The following ZNF479 variants were observed in gnomAD, a reference collection of about 807,000 sequenced individuals.
The protein encoded by ZNF479 is KRAB zinc finger protein KR19.
Under a neutral mutation model 14.7 loss-of-function variants are expected in ZNF479, and 15 were observed. The ratio of observed to expected loss-of-function variants is 1.02; its 90% CI spans 0.68 to 1.57. The LOEUF is 1.57. ZNF479 is among the 40% of genes most tolerant of loss of function. ZNF479 has a pLI of 0.00. For synonymous variants in ZNF479, 145 were observed against 211.5 expected (o/e 0.69, Z 2.73); for missense variants, 506 against 615.1 (o/e 0.82, Z 1.88).
At chr7:57,121,651 T>C (rs2115859076) in intron 3 of ZNF479, among the ~76,000 whole-genome samples, 1 of 152,304 alleles carries the variant, frequency 6.6e-6, no homozygotes, top group South Asian at 2.1e-4. Context: ...GAGAACATGT[T>C]TGTGAGAATC....
At chr7:57,124,946 C>T (rs2115868786) in intron 3 of ZNF479, among the ~76,000 whole-genome samples, 1 of 152,144 alleles carries the variant, frequency 6.6e-6, no homozygotes, top group African/African-American at 2.4e-5. Flanking sequence ...GGTGGCACAT[C>T]CCTGATCCCA....
intron 1 of ZNF479, chr7:57,127,466 T>G (rs1243473642): frequency 1.2e-6 from 1 of 818,208 alleles, no homozygotes; most frequent in Non-Finnish European, 1.5e-6. Flanking sequence ...GAGATTTTGT[T>G]TCAGGAGATT....
chr7:57,120,041 A>T lies in ZNF479; in HGVS notation c.1374T>A (p.Ile458=), dbSNP rs144341549. The T allele has an allele frequency of 4.8e-5, 77 of 1,613,968 alleles. No homozygotes were observed. The African/African-American group carries it at 8.7e-4, about 18-fold the overall frequency. ...ATGTGTAGGGTCTCTCTCCAGTATGAATTCTCTTGTGGTCAGTGAGGGTTG... is the reference window on the plus strand; with the variant it reads ...ATGTGTAGGGTCTCTCTCCAGTATGTATTCTCTTGTGGTCAGTGAGGGTTG... ...LSSTLTDHKR[I]HTGERPYTCE... The change falls in exon 4 of 4, where the codon ATT becomes ATA. Residue 458 remains isoleucine, a synonymous_variant. Coordinates refer to ENST00000319636, the MANE Select transcript of ZNF479 (RefSeq NM_001370129.2).
chr7:57,120,700 T>C lies in ZNF479; in HGVS notation c.715A>G (p.Lys239Glu), dbSNP rs1785892111. Residue 239 changes from lysine to glutamate, a missense_variant, in exon 4 of 4, where the codon AAA becomes GAA. By Grantham distance (56) the Lys-to-Glu change is moderately conservative (BLOSUM62 1). This residue lies in a region of ZNF479 where 420 missense variants were observed against 474.2 expected (regional missense o/e 0.89). Transcript: ENST00000319636. ...CCACATTCCTCACATCTATATGGTTTCTCTCCAGTATGAATTATTTTATGT... is the reference window on the plus strand; with the variant it reads ...CCACATTCCTCACATCTATATGGTTCCTCTCCAGTATGAATTATTTTATGT... The part of the protein sequence containing the change: ...TTHKIIHTGE[K>E]PYRCEECGKA... 6.2e-7 allele frequency: 1 copy of C among 1,613,084 alleles called. No individual in the cohort carries two copies. Among genetic ancestry groups the C allele is most frequent in the Non-Finnish European group, 8.5e-7 (1 of 1,179,622 alleles).
upstream of ZNF479, among the ~76,000 whole-genome samples, chr7:57,137,217 A>T (rs929473642): frequency 3.3e-5 from 5 of 152,162 alleles, no homozygotes; most frequent in African/African-American, 1.2e-4. Context: ...GCTCACTACA[A>T]CTCTGCCTCG....
At position 57,120,561 on chromosome 7, in the gene ZNF479, G is replaced by A. The variant is rs1785880359; in HGVS notation, c.854C>T (p.Thr285Ile). The A allele has an allele frequency of 2.5e-6, 4 of 1,613,296 alleles. No homozygotes were observed. Among genetic ancestry groups the A allele is most frequent in the Non-Finnish European group, 3.4e-6 (4 of 1,179,826 alleles). Reference sequence around the variant, plus strand: ...TCCAGTATGAATTCTCTTGTGGTTAGTAAGTGCTGAGGAGCGCCTAAAGGC... The same window carrying A: ...TCCAGTATGAATTCTCTTGTGGTTAATAAGTGCTGAGGAGCGCCTAAAGGC... ...GQAFRRSSALTNHKRIHTGER... is the reference protein window; with the variant it reads ...GQAFRRSSALINHKRIHTGER... The change falls in exon 4 of 4, where the codon ACT becomes ATT. Residue 285 changes from threonine (T) to isoleucine (I), a missense_variant. This residue lies in a region of ZNF479 where 420 missense variants were observed against 474.2 expected (regional missense o/e 0.89). Coordinates refer to ENST00000319636, the MANE Select transcript of ZNF479 (RefSeq NM_001370129.2).
chr7:57,134,570 C>T (rs570745734), upstream of ZNF479, among the ~76,000 whole-genome samples: 7 of 152,054 alleles, frequency 4.6e-5, no homozygotes, highest in South Asian at 1.5e-3. Context: ...CATTGCTGCT[C>T]TGCCTAGAGA....
chr7:57,132,595 A>G (rs528565440), upstream of ZNF479, among the ~76,000 whole-genome samples: 1 of 152,296 alleles, frequency 6.6e-6, no homozygotes, highest in South Asian at 2.1e-4. Flanking sequence ...TGAAGCAAAA[A>G]TAACAGCCTA....
rs782125852 is a variant in ZNF479 at position 57,120,549 on chromosome 7, C to A, written c.866G>T (p.Arg289Ile). Residue 289 changes from arginine to isoleucine, a missense_variant, in exon 4 of 4, where the codon AGA becomes ATA. Coordinates refer to ENST00000319636, the MANE Select transcript of ZNF479 (RefSeq NM_001370129.2). ...GTAGGGTCTCTCTCCAGTATGAATT[C>A]TCTTGTGGTTAGTAAGTGCTGAGGA... ...RRSSALTNHK[R>I]IHTGERPYKC... The A allele has an allele frequency of 2.2e-5, 35 of 1,613,306 alleles. No individual in the cohort carries two copies. Among genetic ancestry groups the A allele is most frequent in the Non-Finnish European group, 2.9e-5 (34 of 1,179,838 alleles).
upstream of ZNF479, among the ~76,000 whole-genome samples, chr7:57,132,714 A>G (rs774117831): frequency 1.3e-5 from 2 of 152,232 alleles, no homozygotes; most frequent in Non-Finnish European, 2.9e-5. Flanking sequence ...TATAAATGAT[A>G]TATAATATTT....
intron 3 of ZNF479, among the ~76,000 whole-genome samples, chr7:57,122,417 T>A (rs1554400785): frequency 6.6e-6 from 1 of 151,262 alleles, no homozygotes; most frequent in African/African-American, 2.4e-5. Context: ...AATAACATGA[T>A]GAAAAATATA....
chr7:57,127,034 T>C (rs1388964590), intron 1 of ZNF479, among the ~76,000 whole-genome samples: 1 of 149,176 alleles, frequency 6.7e-6, no homozygotes, highest in Non-Finnish European at 1.5e-5. Flanking sequence ...TTCTTTTTTT[T>C]TTTTTTGAGA....
chr7:57,125,437 A>C (rs12716517), intron 3 of ZNF479, among the ~76,000 whole-genome samples: 1 of 147,388 alleles, frequency 6.8e-6, no homozygotes, highest in Non-Finnish European at 1.5e-5. Context: ...TAAAATGAAG[A>C]CATAAAAGGT....
At chr7:57,135,480 T>C (rs1786605159), upstream of ZNF479, among the ~76,000 whole-genome samples, 1 of 152,188 alleles carries the variant, frequency 6.6e-6, no homozygotes, top group Admixed American at 6.5e-5. Flanking sequence ...CAGTGAGATC[T>C]TGGCTCACTG....
At chr7:57,130,428 G>A (rs1012494626) in intron 1 of ZNF479, among the ~76,000 whole-genome samples, 2 of 148,970 alleles carry the variant, frequency 1.3e-5, no homozygotes, top group Non-Finnish European at 2.9e-5. Flanking sequence ...AGCTGAGACC[G>A]CACCACTGCA....
rs1352455307 is a variant in ZNF479, at chr7:57,126,590, A to T, written c.166+2T>A. 2 of 1,612,848 alleles carry T rather than the reference A, an allele frequency of 1.2e-6. No individual in the cohort carries two copies. Among genetic ancestry groups the T allele is most frequent in the East Asian group, 4.5e-5 (2 of 44,864 alleles). On this transcript the variant is annotated splice_donor_variant, in intron 2 of 3. Transcript: ENST00000319636. LOFTEE classifies it high-confidence loss of function. ...GGAATTATGTACTGAAGTTATCCTCACCCAGGGAGACCAGGTTTCTGTAGT... is the reference window on the plus strand; with the variant it reads ...GGAATTATGTACTGAAGTTATCCTCTCCCAGGGAGACCAGGTTTCTGTAGT...
rs536577652 is a variant in ZNF479, at chr7:57,132,275, C to T, written c.39+11G>A. The T allele has an allele frequency of 1.9e-5, 31 of 1,613,938 alleles. No homozygotes were observed. The highest frequency in any genetic ancestry group is 6.7e-5 in the East Asian group (3 of 44,886). On this transcript the variant is annotated intron_variant, in intron 1 of 3. Transcript: ENST00000319636. ...CCACCCCTCTCTCACGATGACAGAC[C>T]CAGCACTCACCATTTCTCGGCTTCC...
Position 57,118,381 on chromosome 7 carries a change from T to C in ZNF479, c.*1459A>G, listed in dbSNP as rs1331477795. ...TTTTTACAGTAATCACATTTATAAT[T>C]TTTTTTTTGAGACAGAGTCTTGCTC... is the stretch of plus-strand genomic sequence containing the variant. On this transcript the variant is annotated 3_prime_UTR_variant, in exon 4 of 4. Transcript: ENST00000319636. Among the ~76,000 whole-genome samples the C allele has an allele frequency of 6.6e-6, 1 of 151,738 alleles. No homozygotes were observed. Among genetic ancestry groups the C allele is most frequent in the Non-Finnish European group, 1.5e-5 (1 of 67,936 alleles).
chr7:57,137,110 T>C (rs1229045566), upstream of ZNF479, among the ~76,000 whole-genome samples: 1 of 152,158 alleles, frequency 6.6e-6, no homozygotes, highest in East Asian at 1.9e-4. Flanking sequence ...AGTCAAGTAG[T>C]AAGAGAATTA....
Sources: gnomAD v4.1 joint callset for allele counts (sites outside exome capture counted in the v4.1 genomes callset) on GRCh38, gnomAD v4.1.1 for gene constraint, gnomAD v4.1.1 regional missense constraint, MANE v1.5 for transcripts, NCBI Gene and HGNC (gene_info 2026-07-23, HGNC 2026-07-21) for gene names.